The following IGSF21 variants were observed in gnomAD, a reference collection of about 807,000 sequenced individuals.
IGSF21 encodes immunoglobulin superfamily member 21.
In IGSF21, 28 loss-of-function variants were observed where a neutral mutation model predicts 46.8. The observed-to-expected ratio is 0.60, with a 90% CI of 0.44 to 0.82. IGSF21 has a LOEUF of 0.82. IGSF21 is among the 40% of genes least tolerant of loss of function. IGSF21 has a pLI of 0.00. For synonymous variants in IGSF21, 284 were observed against 273.6 expected (o/e 1.04, Z -0.38); for missense variants, 624 against 665.5 (o/e 0.94, Z 0.69).
chr1:18,189,982 G>T (rs71643500), intron 1 of IGSF21, among the ~76,000 whole-genome samples: 1,627 of 152,290 alleles, frequency 0.011, 7 homozygotes, highest in African/African-American at 0.017. Flanking sequence ...AGAAGTGGGG[G>T]CCGGTACCAG....
chr1:18,308,667 G>T (rs993310443), intron 3 of IGSF21, among the ~76,000 whole-genome samples: 7 of 152,150 alleles, frequency 4.6e-5, no homozygotes, highest in African/African-American at 2.4e-5. Context: ...GGATATGTGT[G>T]TTCCATGCCC....
chr1:18,158,606 C>A (rs539973539), intron 1 of IGSF21, among the ~76,000 whole-genome samples: 137 of 152,226 alleles, frequency 9.0e-4, no homozygotes, highest in African/African-American at 2.8e-3. Flanking sequence ...TTCCTGGCAT[C>A]CCTCTGCCCT....
At position 18,334,902 on chromosome 1, in the gene IGSF21, G is replaced by A. The variant is rs374475196; in HGVS notation, c.316G>A (p.Val106Ile). 1 of 1,613,752 alleles carries A rather than the reference G, an allele frequency of 6.2e-7. No individual in the cohort carries two copies. The highest frequency in any genetic ancestry group is 1.3e-5 in the African/African-American group (1 of 74,894). The change falls in exon 4 of 10, where the codon GTC becomes ATC. Residue 106 changes from valine (V) to isoleucine (I), a missense_variant. Coordinates refer to ENST00000251296, the MANE Select transcript of IGSF21 (RefSeq NM_032880.5). This position sits in a 1 kb window ranked among gnomAD's most constrained non-coding sequence, Gnocchi z 4.3. ...TTCTGCCTCCCCCAGGCTGCCCGAG[G>A]TCCGGATCTCAGACAATGGTCCCTA... ...VYQSTVRLPE[V>I]RISDNGPYEC...
chr1:18,343,212 C>CT (rs2085860356), intron 4 of IGSF21, among the ~76,000 whole-genome samples: 1 of 152,224 alleles, frequency 6.6e-6, no homozygotes, highest in Admixed American at 6.5e-5. Context: ...ACTGTACGTC[C>CT]TTTCCTGTGC....
In IGSF21 at chr1:18,365,206, C is replaced by A. The variant is rs375296218; in HGVS notation, c.541-17C>A. 1.9e-6 allele frequency: 3 copies of A among 1,570,502 alleles called. No individual in the cohort carries two copies. The highest frequency in any genetic ancestry group is 2.7e-5 in the African/African-American group (2 of 74,002). On this transcript the variant is annotated splice_polypyrimidine_tract_variant and intron_variant, in intron 5 of 9. Coordinates refer to ENST00000251296, the MANE Select transcript of IGSF21 (RefSeq NM_032880.5). This position sits in a 1 kb window ranked among gnomAD's most constrained non-coding sequence, Gnocchi z 4.8. ...GTAGCACAAAATCATTTTCCCACAC[C>A]CTCCTTACAATGGCAGGTTTATTTC... is the stretch of plus-strand genomic sequence containing the variant.
chr1:18,353,417 G>C (rs2085981347), intron 4 of IGSF21, among the ~76,000 whole-genome samples: 1 of 152,058 alleles, frequency 6.6e-6, no homozygotes, highest in African/African-American at 2.4e-5. Flanking sequence ...AATACGTATT[G>C]AGCAAATCCT....
rs2086184621 is a variant in IGSF21, at chr1:18,367,918, A to AAC, written c.1015+2221_1015+2222insAC. Among the ~76,000 whole-genome samples the AAC allele has an allele frequency of 2.6e-5, 4 of 151,800 alleles. No individual in the cohort carries two copies. In the South Asian group the frequency reaches 8.3e-4, roughly 32 times the overall value. On this transcript the variant is annotated intron_variant, in intron 6 of 9. Coordinates refer to ENST00000251296, the MANE Select transcript of IGSF21 (RefSeq NM_032880.5). ...CGCACCCAGCAGCCTTTTGATTTTC[A>AAC]CAGGCCACCTGCCCATACAGAAACT...
At chr1:18,332,060 C>T (rs895146517) in intron 3 of IGSF21, among the ~76,000 whole-genome samples, 3 of 152,288 alleles carry the variant, frequency 2.0e-5, no homozygotes, top group South Asian at 4.1e-4. Flanking sequence ...CGGTGTACCC[C>T]GAGCTGTCTT....
At chr1:18,209,621 A>ATTTT (rs35745482) in intron 1 of IGSF21, among the ~76,000 whole-genome samples, 6 of 133,846 alleles carry the variant, frequency 4.5e-5, no homozygotes, top group African/African-American at 1.7e-4. Context: ...CACCTGGCTA[A>ATTTT]TTTTTTTTTT....
intron 2 of IGSF21, among the ~76,000 whole-genome samples, chr1:18,286,450 T>G (rs1187156260): frequency 6.6e-6 from 1 of 152,198 alleles, no homozygotes; most frequent in Non-Finnish European, 1.5e-5. Context: ...GTGTAGGCAC[T>G]GGTTAGGATG....
At chr1:18,244,316 C>T (rs955552714) in intron 2 of IGSF21, among the ~76,000 whole-genome samples, 8 of 152,238 alleles carry the variant, frequency 5.3e-5, no homozygotes, top group African/African-American at 1.9e-4. Context: ...ATGAAAAGAG[C>T]TGACTTTGGA....
At chr1:18,193,737 A>G (rs185416969) in intron 1 of IGSF21, among the ~76,000 whole-genome samples, 1 of 152,304 alleles carries the variant, frequency 6.6e-6, no homozygotes, top group Admixed American at 6.5e-5. Context: ...ACCCAGGATT[A>G]ATACTTTGCA....
At chr1:18,235,668 A>G (rs2084666083) in intron 2 of IGSF21, among the ~76,000 whole-genome samples, 1 of 152,238 alleles carries the variant, frequency 6.6e-6, no homozygotes, top group African/African-American at 2.4e-5. Flanking sequence ...AAATGGGCAG[A>G]GACCGTTCAT....
At chr1:18,268,087 C>T (rs1411291271) in intron 2 of IGSF21, among the ~76,000 whole-genome samples, 1 of 152,242 alleles carries the variant, frequency 6.6e-6, no homozygotes, top group Admixed American at 6.5e-5. Context: ...ATAACAGGTG[C>T]TTAATCAATG....
chr1:18,342,671 A>C (rs1235326854), intron 4 of IGSF21, among the ~76,000 whole-genome samples: 2 of 152,200 alleles, frequency 1.3e-5, no homozygotes, highest in Admixed American at 6.5e-5. Flanking sequence ...ATTTAATATG[A>C]ATGAGATTAT....
At chr1:18,222,660 G>A (rs1325095045) in intron 1 of IGSF21, among the ~76,000 whole-genome samples, 1 of 152,150 alleles carries the variant, frequency 6.6e-6, no homozygotes, top group African/African-American at 2.4e-5. Flanking sequence ...TGAGAAACTC[G>A]ATTCTATCGA....
intron 1 of IGSF21, chr1:18,114,483 G>C (rs1270231438): frequency 6.6e-6 from 1 of 152,224 alleles, no homozygotes; most frequent in Non-Finnish European, 1.5e-5. Flanking sequence ...TGTGTGAAAA[G>C]GCTTATAGCA....
intron 1 of IGSF21, among the ~76,000 whole-genome samples, chr1:18,116,617 G>A (rs2086192191): frequency 6.6e-6 from 1 of 152,198 alleles, no homozygotes; most frequent in South Asian, 2.1e-4. Context: ...CCACGATCCA[G>A]TCACTTCCAT....
chr1:18,234,706 C>T (rs2084657697), intron 2 of IGSF21, among the ~76,000 whole-genome samples: 1 of 152,178 alleles, frequency 6.6e-6, no homozygotes, highest in Non-Finnish European at 1.5e-5. Flanking sequence ...AACTCACTAT[C>T]ATGAGAACAG....
Sources: gnomAD v4.1 joint callset for allele counts (sites outside exome capture counted in the v4.1 genomes callset) on GRCh38, gnomAD v4.1.1 for gene constraint, Gnocchi (gnomAD v3.1) non-coding constraint, MANE v1.5 for transcripts, NCBI Gene and HGNC (gene_info 2026-07-23, HGNC 2026-07-21) for gene names.